The following ANO10 variants were observed in gnomAD, a reference collection of about 807,000 sequenced individuals.
ANO10 encodes anoctamin 10.
In ANO10, 77 loss-of-function variants were observed where a neutral mutation model predicts 74.7. The observed-to-expected ratio is 1.03, with a 90% CI of 0.86 to 1.25. ANO10 has a LOEUF of 1.25. Among genes scored for constraint, ANO10 ranks in the 50% most tolerant of loss-of-function variants. The pLI, the probability that ANO10 is intolerant of heterozygous loss-of-function variation, is 0.00. For missense variants in ANO10, 721 were observed against 778.1 expected (o/e 0.93, Z 0.87); for synonymous variants, 279 against 284.9 (o/e 0.98, Z 0.21).
At chr3:43,690,915 G>A in intron 1 of ANO10, 4 of 1,472,868 alleles carry the variant, frequency 2.7e-6, no homozygotes, top group Non-Finnish European at 3.6e-6. Flanking sequence ...CGCCTTAAGT[G>A]CCGCGCCAGC....
At chr3:43,421,227 A>C (rs995489665) in intron 12 of ANO10, among the ~76,000 whole-genome samples, 6 of 151,044 alleles carry the variant, frequency 4.0e-5, no homozygotes, top group African/African-American at 9.8e-5. Flanking sequence ...TCTCAAGAAA[A>C]GAACTGGCCA....
chr3:43,575,176 G>A (rs1248415883), intron 6 of ANO10, among the ~76,000 whole-genome samples: 4 of 151,972 alleles, frequency 2.6e-5, no homozygotes, highest in African/African-American at 9.7e-5. Context: ...AAGTAATAGT[G>A]AAAACTAATA....
intron 11 of ANO10, among the ~76,000 whole-genome samples, chr3:43,511,078 T>C (rs2077491133): frequency 6.6e-6 from 1 of 152,218 alleles, no homozygotes; most frequent in Non-Finnish European, 1.5e-5. Context: ...ATAAGCAACA[T>C]TCAAAATTTC....
chr3:43,636,822 T>C (rs1448058329), intron 1 of ANO10, among the ~76,000 whole-genome samples: 1 of 152,226 alleles, frequency 6.6e-6, no homozygotes, highest in Non-Finnish European at 1.5e-5. Flanking sequence ...TTAAAATATA[T>C]TGGGAGTCTC....
At chr3:43,474,307 G>A (rs539684229) in intron 11 of ANO10, among the ~76,000 whole-genome samples, 68 of 147,634 alleles carry the variant, frequency 4.6e-4, no homozygotes, top group African/African-American at 1.6e-3. Context: ...TATCAGGATT[G>A]ATTATCAAAA....
At chr3:43,441,127 C>T (rs1024155482) in intron 11 of ANO10, among the ~76,000 whole-genome samples, 2 of 151,282 alleles carry the variant, frequency 1.3e-5, no homozygotes, top group African/African-American at 4.9e-5. Context: ...TGACTTTAAC[C>T]TCAAGAAACT....
chr3:43,567,828 T>G (rs2080454746), intron 7 of ANO10, among the ~76,000 whole-genome samples: 1 of 151,260 alleles, frequency 6.6e-6, no homozygotes, highest in South Asian at 2.1e-4. Context: ...AATTCACACA[T>G]AACAATATTA....
chr3:43,555,540 A>C (rs2149328052), intron 9 of ANO10, 71 bp from the exon 10 acceptor site: 1 of 1,474,606 alleles, frequency 6.8e-7, no homozygotes, highest in Non-Finnish European at 9.3e-7. Flanking sequence ...ATACTAATCA[A>C]AGCTGTGGCC....
chr3:43,457,114 T>C (rs2075163561), intron 11 of ANO10, among the ~76,000 whole-genome samples: 1 of 152,242 alleles, frequency 6.6e-6, no homozygotes, highest in Admixed American at 6.5e-5. Flanking sequence ...GCTTTGATTA[T>C]GCTTTGAAAT....
chr3:43,492,946 C>G (rs906111519), intron 11 of ANO10, among the ~76,000 whole-genome samples: 3 of 152,058 alleles, frequency 2.0e-5, no homozygotes. Flanking sequence ...GGCATATGCC[C>G]AAAGGATTAC....
chr3:43,383,588 T>A (rs959076779), intron 12 of ANO10, among the ~76,000 whole-genome samples: 29 of 151,756 alleles, frequency 1.9e-4, no homozygotes, highest in African/African-American at 7.0e-4. Context: ...CAAAAATCCC[T>A]GGTTTCATAC....
At chr3:43,464,339 A>G (rs1373638324) in intron 11 of ANO10, among the ~76,000 whole-genome samples, 1 of 152,162 alleles carries the variant, frequency 6.6e-6, no homozygotes. Flanking sequence ...AGAACATCAA[A>G]TCCAGCAATC....
At chr3:43,493,001 G>T (rs897247830) in intron 11 of ANO10, among the ~76,000 whole-genome samples, 2 of 152,004 alleles carry the variant, frequency 1.3e-5, no homozygotes, top group African/African-American at 4.8e-5. Flanking sequence ...TGTTTATTAC[G>T]GCACTATTCA....
At chr3:43,683,218 G>A (rs1173708514) in intron 1 of ANO10, among the ~76,000 whole-genome samples, 1 of 152,198 alleles carries the variant, frequency 6.6e-6, no homozygotes, top group African/African-American at 2.4e-5. Context: ...AAGCTGATAA[G>A]CAACTTCAGC....
chr3:43,411,282 T>C (rs963825666), intron 12 of ANO10, among the ~76,000 whole-genome samples: 3 of 152,196 alleles, frequency 2.0e-5, no homozygotes, highest in African/African-American at 7.2e-5. Context: ...CACTCTGATA[T>C]CATACTTAAT....
intron 1 of ANO10, among the ~76,000 whole-genome samples, chr3:43,652,615 A>G (rs1475864566): frequency 6.6e-6 from 1 of 152,184 alleles, no homozygotes; most frequent in Non-Finnish European, 1.5e-5. Context: ...AAACCACTGG[A>G]TAGTACACCT....
intron 1 of ANO10, among the ~76,000 whole-genome samples, chr3:43,645,882 A>G (rs1238110263): frequency 6.6e-6 from 1 of 152,154 alleles, no homozygotes; most frequent in Non-Finnish European, 1.5e-5. Flanking sequence ...ATCTGGGCTC[A>G]CTGCAGCCTC....
Position 43,366,901 on chromosome 3 carries a change from G to A in ANO10, c.*5C>T. Reference sequence around the variant, plus strand: ...GCCAACAGGGCAGCTGGGCACGCTGGGCACTCAGGTTGCCTTCTCCTTCCC... The same window carrying A: ...GCCAACAGGGCAGCTGGGCACGCTGAGCACTCAGGTTGCCTTCTCCTTCCC... On this transcript the variant is annotated 3_prime_UTR_variant, in exon 13 of 13. Coordinates refer to ENST00000292246, the MANE Select transcript of ANO10 (RefSeq NM_018075.5). 6.3e-7 allele frequency: 1 copy of A among 1,584,446 alleles called. No homozygotes were observed. Among genetic ancestry groups the A allele is most frequent in the Non-Finnish European group, 8.6e-7 (1 of 1,165,086 alleles).
intron 11 of ANO10, among the ~76,000 whole-genome samples, chr3:43,444,507 A>G (rs1306676308): frequency 6.6e-6 from 1 of 152,248 alleles, no homozygotes; most frequent in Non-Finnish European, 1.5e-5. Flanking sequence ...ACTAAGGCCT[A>G]CAAAGCAAAG....
Sources: allele counts gnomAD v4.1 joint callset (sites outside exome capture counted in the v4.1 genomes callset), GRCh38; gene constraint gnomAD v4.1.1; transcripts MANE v1.5; gene names NCBI Gene and HGNC (gene_info 2026-07-23, HGNC 2026-07-21).